STAB2: variants seen among roughly 807,000 people sequenced by gnomAD.
STAB2 encodes stabilin 2.
A neutral mutation model predicts 338.1 loss-of-function variants in STAB2; 288 were observed. The observed-to-expected ratio is 0.85, with a 90% confidence interval of 0.77 to 0.94. The LOEUF is 0.94. Ranked by LOEUF, STAB2 falls within the 40% of genes least tolerant of loss-of-function variation. STAB2 has a pLI of 0.00. For missense variants in STAB2, 3,141 were observed against 3,210.1 expected, an observed-to-expected ratio of 0.98 and a Z score of 0.52; for synonymous variants, 1,202 against 1,193.3, an observed-to-expected ratio of 1.01 and a Z score of -0.15.
Position 103,749,841 on chromosome 12 carries a change from C to CAAAAAAAAAAAAAAA in STAB2, c.6438+702_6439-707dup, listed in dbSNP as rs369556936. 7.6e-4 allele frequency among the ~76,000 whole-genome samples: 39 copies of CAAAAAAAAAAAAAAA among 51,156 alleles called. 1 individual carries two copies. Among genetic ancestry groups the CAAAAAAAAAAAAAAA allele is most frequent in the Non-Finnish European group, 1.1e-3 (31 of 28,370 alleles). 33.6% of individuals were successfully genotyped at this position (51,156 alleles called of 152,430 possible). Reference sequence around the variant, plus strand: ...GGTGACAGAGCAAGACTCTGTCTCACAAAAAAAAAAAAAAAAAAAAAAAAA... The same window carrying CAAAAAAAAAAAAAAA: ...GGTGACAGAGCAAGACTCTGTCTCACAAAAAAAAAAAAAAAAAAAAAAAAAAAAAAAAAAAAAAAA... On this transcript the variant is annotated intron_variant, in intron 59 of 68. Transcript: ENST00000388887.
intron 52 of STAB2, among the ~76,000 whole-genome samples, chr12:103,735,850 T>C (rs1882076953): frequency 6.6e-6 from 1 of 152,294 alleles, no homozygotes; most frequent in Non-Finnish European, 1.5e-5. Context: ...GATTTCATTT[T>C]TTGTGTAGAG....
chr12:103,709,361 C>A (rs988721315), intron 39 of STAB2, among the ~76,000 whole-genome samples: 1 of 152,162 alleles, frequency 6.6e-6, no homozygotes, highest in East Asian at 1.9e-4. Context: ...GGCCGTGAAA[C>A]GCTAAGGAGG....
At chr12:103,762,100 A>G (rs981483799) in intron 66 of STAB2, among the ~76,000 whole-genome samples, 174 bp from the exon 67 acceptor site, 3 of 152,190 alleles carry the variant, frequency 2.0e-5, no homozygotes, top group Admixed American at 1.3e-4. Flanking sequence ...TCACACTTCA[A>G]TGGGTTATTT....
chr12:103,745,038 CAATG>C (rs1298263889), intron 56 of STAB2, 131 bp from the exon 57 acceptor site: 31 of 693,206 alleles, frequency 4.5e-5, no homozygotes, highest in East Asian at 1.2e-4. Context: ...TTAGATGTTT[CAATG>C]AATGAATGAA....
intron 9 of STAB2, among the ~76,000 whole-genome samples, chr12:103,644,381 G>A (rs1160962430): frequency 1.3e-5 from 2 of 149,812 alleles, no homozygotes; most frequent in South Asian, 4.2e-4. Flanking sequence ...AGTACCCAGG[G>A]ACACAAACAC....
At chr12:103,751,422 A>G (rs1883639860) in intron 60 of STAB2, among the ~76,000 whole-genome samples, 1 of 152,202 alleles carries the variant, frequency 6.6e-6, no homozygotes, top group Admixed American at 6.5e-5. Flanking sequence ...CACAGAATAG[A>G]GAAAAGGAAA....
intron 3 of STAB2, among the ~76,000 whole-genome samples, chr12:103,606,149 A>G (rs1957024990): frequency 6.6e-6 from 1 of 151,886 alleles, no homozygotes; most frequent in African/African-American, 2.4e-5. Context: ...TGTTTTTGGC[A>G]ATTTTTTAAA....
intron 8 of STAB2, among the ~76,000 whole-genome samples, chr12:103,638,874 T>C (rs529055448): frequency 9.5e-4 from 144 of 152,320 alleles, no homozygotes; most frequent in Middle Eastern, 3.4e-3. Flanking sequence ...AATGTGTCCA[T>C]ACAGAAGGGT....
At chr12:103,607,996 C>T (rs1957059417) in intron 3 of STAB2, among the ~76,000 whole-genome samples, 1 of 152,172 alleles carries the variant, frequency 6.6e-6, no homozygotes, top group Non-Finnish European at 1.5e-5. Flanking sequence ...AGTTTACAGT[C>T]CCACCAACTG....
chr12:103,735,425 C>T (rs1344903108), intron 51 of STAB2, 66 bp from the exon 52 acceptor site: 25 of 1,218,312 alleles, frequency 2.1e-5, no homozygotes, highest in Non-Finnish European at 2.8e-5. Context: ...TTTGGTAAAG[C>T]TCCTTCGGGC....
In STAB2 at chr12:103,753,417, C is replaced by A. The variant is rs1456083767; in HGVS notation, c.6714+64C>A. On this transcript the variant is annotated intron_variant, in intron 61 of 68. Transcript: ENST00000388887. ...TGCAGGGGCGGAAGTGCAGCCCTTT[C>A]TTAAGATGGGGAAGACTTGAGCTGT... 2.4e-5 allele frequency: 38 copies of A among 1,609,230 alleles called. 1 individual carries two copies. The highest frequency in any genetic ancestry group is 3.1e-5 in the Non-Finnish European group (36 of 1,176,542).
chr12:103,710,967 T>C (rs1275975596), intron 39 of STAB2, among the ~76,000 whole-genome samples: 3 of 152,230 alleles, frequency 2.0e-5, no homozygotes, highest in African/African-American at 7.2e-5. Context: ...ACAAATATTG[T>C]GTACCTGCTG....
intron 3 of STAB2, among the ~76,000 whole-genome samples, chr12:103,619,249 C>T (rs1957259796): frequency 6.6e-6 from 1 of 152,122 alleles, no homozygotes; most frequent in African/African-American, 2.4e-5. Flanking sequence ...TTCACACAGA[C>T]ACATTTCATG....
intron 5 of STAB2, among the ~76,000 whole-genome samples, chr12:103,625,292 A>G (rs1957363675): frequency 6.6e-6 from 1 of 152,242 alleles, no homozygotes; most frequent in African/African-American, 2.4e-5. Context: ...AAATAAAGGA[A>G]GTATCCTCCC....
At chr12:103,689,075 G>A (rs1404357356) in intron 28 of STAB2, among the ~76,000 whole-genome samples, 1 of 151,914 alleles carries the variant, frequency 6.6e-6, no homozygotes, top group African/African-American at 2.4e-5. Flanking sequence ...CCAAAAACTG[G>A]CTCTCTAGGC....
Position 103,742,560 on chromosome 12 carries a change from T to C in STAB2, c.6031+6T>C. The C allele has an allele frequency of 1.2e-6, 2 of 1,614,162 alleles. No homozygotes were observed. Among genetic ancestry groups the C allele is most frequent in the South Asian group, 2.2e-5 (2 of 91,072 alleles). ...ATTCGGGCCTGATTGTCTGCGTATGTGGCGCCGCTTCTCCGTGCTAGAGCT... is the reference window on the plus strand; with the variant it reads ...ATTCGGGCCTGATTGTCTGCGTATGCGGCGCCGCTTCTCCGTGCTAGAGCT... On this transcript the variant is annotated splice_donor_region_variant and intron_variant, in intron 56 of 68. Coordinates refer to ENST00000388887, the MANE Select transcript of STAB2 (RefSeq NM_017564.10).
chr12:103,620,358 T>C, intron 3 of STAB2, 110 bp from the exon 4 acceptor site: 1 of 1,012,880 alleles, frequency 9.9e-7, no homozygotes, highest in Non-Finnish European at 1.4e-6. Flanking sequence ...GGTTCTGCAA[T>C]TATTTCTTAT....
intron 39 of STAB2, among the ~76,000 whole-genome samples, chr12:103,710,860 C>G (rs1204288367): frequency 6.6e-6 from 1 of 152,180 alleles, no homozygotes; most frequent in Non-Finnish European, 1.5e-5. Flanking sequence ...TCCCTCATCT[C>G]TAATGATTTA....
chr12:103,587,355 G>T lies in STAB2; in HGVS notation c.-122G>T. On this transcript the variant is annotated 5_prime_UTR_variant, in exon 1 of 69. Transcript: ENST00000388887. The stretch of plus-strand genomic sequence containing the variant: ...TGGTTCGATCTAGGAAAAAGGAAAG[G>T]AAGGGATTTAAAAGTAAACAGTGAA... 1 of 823,986 alleles carries T rather than the reference G, an allele frequency of 1.2e-6. No individual in the cohort carries two copies. The allele number at this position is 823,986 out of a possible 1,614,324, so 51.0% of individuals were successfully genotyped here.
Sources: gnomAD v4.1 joint callset for allele counts (sites outside exome capture counted in the v4.1 genomes callset) on GRCh38, gnomAD v4.1.1 for gene constraint, MANE v1.5 for transcripts, NCBI Gene and HGNC (gene_info 2026-07-23, HGNC 2026-07-21) for gene names.